MSTO1: variants seen among roughly 807,000 people sequenced by gnomAD.
The protein encoded by MSTO1 is protein misato homolog 1.
A neutral mutation model predicts 55.7 loss-of-function variants in MSTO1; 24 were observed. The observed-to-expected ratio is 0.43, with a 90% confidence interval of 0.31 to 0.61. The LOEUF is 0.61. Ranked by LOEUF, MSTO1 falls within the 20% of genes least tolerant of loss-of-function variation. MSTO1 has a pLI of 0.09. For synonymous variants in MSTO1, 162 were observed against 252.8 expected (o/e 0.64, Z 3.41); for missense variants, 363 against 625.7 (o/e 0.58, Z 4.48).
At chr1:155,605,087 C>G in the MSTO1 span, among the ~76,000 whole-genome samples, 1 of 151,966 alleles carries the variant, frequency 6.6e-6, no homozygotes, top group South Asian at 2.1e-4. Flanking sequence ...ATGGCGAAAC[C>G]CCATCTCTAC....
chr1:155,587,395 G>C, the MSTO1 span, among the ~76,000 whole-genome samples: 5 of 137,078 alleles, frequency 3.6e-5, no homozygotes, highest in Non-Finnish European at 7.6e-5. Flanking sequence ...AGCCGAAATT[G>C]TGCTGCTGCA....
chr1:155,594,884 C>T, the MSTO1 span, among the ~76,000 whole-genome samples: 2 of 152,088 alleles, frequency 1.3e-5, no homozygotes, highest in East Asian at 3.9e-4. Context: ...TGCCTGTAAT[C>T]CAAGCACTTT....
At chr1:155,589,305 A>T in the MSTO1 span, among the ~76,000 whole-genome samples, 1 of 152,082 alleles carries the variant, frequency 6.6e-6, no homozygotes, top group Non-Finnish European at 1.5e-5. Context: ...CTCAAAAAAA[A>T]AAAAATTTAC....
At chr1:155,609,269 A>G (rs1386256264), upstream of MSTO1, among the ~76,000 whole-genome samples, 6 of 72,752 alleles carry the variant, frequency 8.2e-5, no homozygotes, top group African/African-American at 1.4e-4. Flanking sequence ...TTTTTGAGAC[A>G]GAGTCTCGCT....
the MSTO1 span, among the ~76,000 whole-genome samples, chr1:155,568,685 G>A: frequency 4.6e-5 from 7 of 151,700 alleles, no homozygotes; most frequent in African/African-American, 1.2e-4. Flanking sequence ...TGATCCACCC[G>A]CCTCAGTCTC....
the MSTO1 span, among the ~76,000 whole-genome samples, chr1:155,573,169 T>C: frequency 1.3e-5 from 2 of 152,134 alleles, no homozygotes; most frequent in Admixed American, 6.6e-5. Context: ...TGGCTGCACA[T>C]TGGAATAAGC....
chr1:155,579,308 C>T, the MSTO1 span, among the ~76,000 whole-genome samples: 1 of 149,884 alleles, frequency 6.7e-6, no homozygotes, highest in Non-Finnish European at 1.5e-5. Flanking sequence ...AGTGAAACTC[C>T]ATCTCAAAAC....
the MSTO1 span, among the ~76,000 whole-genome samples, chr1:155,569,196 C>T: frequency 2.0e-5 from 3 of 151,576 alleles, no homozygotes; most frequent in Non-Finnish European, 2.9e-5. Flanking sequence ...AGTGCAGTAG[C>T]GCGATCTCAG....
At chr1:155,603,504 A>G in the MSTO1 span, among the ~76,000 whole-genome samples, 254 of 152,310 alleles carry the variant, frequency 1.7e-3, 1 homozygote, top group South Asian at 2.7e-3. Flanking sequence ...AAGAATTGGT[A>G]AGAACATAAA....
chr1:155,563,272 C>T, the MSTO1 span: 2 of 456,296 alleles, frequency 4.4e-6, no homozygotes, highest in Middle Eastern at 3.2e-4. Flanking sequence ...TGCTGTGGAG[C>T]TGGTCGCAGG....
the MSTO1 span, among the ~76,000 whole-genome samples, chr1:155,604,554 AAAACTT>A: frequency 6.6e-6 from 1 of 152,244 alleles, no homozygotes; most frequent in Admixed American, 6.5e-5. Flanking sequence ...TACTAAACAC[AAAACTT>A]AAACAAAAAT....
At chr1:155,598,835 G>A in the MSTO1 span, 1 of 1,384,544 alleles carries the variant, frequency 7.2e-7, no homozygotes, top group African/African-American at 1.4e-5. Context: ...GGAGAGAAGG[G>A]AACCGGAAAA....
the MSTO1 span, among the ~76,000 whole-genome samples, chr1:155,585,800 C>T: frequency 3.2e-4 from 49 of 152,126 alleles, no homozygotes; most frequent in South Asian, 9.6e-3. Flanking sequence ...TCCTTGTGTG[C>T]CTGCCCCCAT....
chr1:155,601,685 A>T, the MSTO1 span, among the ~76,000 whole-genome samples: 1 of 152,208 alleles, frequency 6.6e-6, no homozygotes, highest in South Asian at 2.1e-4. Flanking sequence ...CCCATAACTT[A>T]AAGAGGCTGG....
chr1:155,613,182 G>T lies in MSTO1; in HGVS notation c.1232G>T (p.Cys411Phe). The stretch of plus-strand genomic sequence containing the variant: ...TGTGGGGAGCCTTCTGGAACACGTT[G>T]CTTTGCCCAGTCAGTGGTGCTGAGG... ...SACGEPSGTRCFAQSVVLRGI... is the reference protein window; with the variant it reads ...SACGEPSGTRFFAQSVVLRGI... Residue 411 changes from cysteine to phenylalanine, a missense_variant, in exon 11 of 14, where the codon TGC becomes TTC. Physicochemically the swap from Cys to Phe is radical, Grantham distance 205. Around this residue, in one of 3 missense-constraint regions of MSTO1, gnomAD observed 231 missense variants for 286.9 expected, o/e 0.81. Transcript: ENST00000245564. 6.2e-7 allele frequency: 1 copy of T among 1,614,134 alleles called. No individual in the cohort carries two copies. Among genetic ancestry groups the T allele is most frequent in the South Asian group, 1.1e-5 (1 of 91,074 alleles).
chr1:155,601,162 C>G, the MSTO1 span, among the ~76,000 whole-genome samples: 1 of 150,900 alleles, frequency 6.6e-6, no homozygotes, highest in Non-Finnish European at 1.5e-5. Flanking sequence ...GAAATGGAGT[C>G]TCACTCTGTT....
At chr1:155,584,015 C>T in the MSTO1 span, among the ~76,000 whole-genome samples, 1 of 152,110 alleles carries the variant, frequency 6.6e-6, no homozygotes, top group Non-Finnish European at 1.5e-5. Flanking sequence ...GTAGTGTGGG[C>T]GTGTGGAAGC....
chr1:155,603,294 G>A, the MSTO1 span, among the ~76,000 whole-genome samples: 265 of 152,174 alleles, frequency 1.7e-3, 1 homozygote, highest in Non-Finnish European at 2.3e-3. Flanking sequence ...CTACTCAGGG[G>A]GCTGAGGCAG....
At chr1:155,606,198 C>CTTTTTTTTTTTTTTTTTTTTTTTTTT (rs747681932), upstream of MSTO1, among the ~76,000 whole-genome samples, 1 of 28,090 alleles carries the variant, frequency 3.6e-5, no homozygotes, top group African/African-American at 9.8e-5. Context: ...CATGCCCAGC[C>CTTTTTTTTTTTTTTTTTTTTTTTTTT]TTTTTTTTTT....
Sources: allele counts gnomAD v4.1 joint callset (sites outside exome capture counted in the v4.1 genomes callset), GRCh38; gene constraint gnomAD v4.1.1; regional missense constraint gnomAD v4.1.1; transcripts MANE v1.5; gene names NCBI Gene and HGNC (gene_info 2026-07-23, HGNC 2026-07-21).